ADAM22: variants seen among roughly 807,000 people sequenced by gnomAD.
ADAM22 encodes the protein disintegrin and metalloproteinase domain-containing protein 22.
Under a neutral mutation model 144.6 loss-of-function variants are expected in ADAM22, and 65 were observed. The observed-to-expected ratio is 0.45, with a 90% CI of 0.37 to 0.55. ADAM22 has a LOEUF of 0.55. ADAM22 is among the 20% of genes least tolerant of loss of function. The probability of loss-of-function intolerance (pLI) is 0.00; values close to 1 mark genes in which losing one functional copy is unlikely to be tolerated. For missense variants in ADAM22, 974 were observed against 1,184.9 expected (o/e 0.82, Z 2.61); for synonymous variants, 391 against 412.6 (o/e 0.95, Z 0.63).
chr7:88,011,695 G>T (rs1795456039), intron 3 of ADAM22, among the ~76,000 whole-genome samples: 1 of 151,946 alleles, frequency 6.6e-6, no homozygotes, highest in Non-Finnish European at 1.5e-5. Flanking sequence ...ATCTCACTCT[G>T]TAAGGTGTTT....
At chr7:88,081,944 A>G (rs1014206322) in intron 4 of ADAM22, among the ~76,000 whole-genome samples, 16 of 151,916 alleles carry the variant, frequency 1.1e-4, no homozygotes, top group Non-Finnish European at 1.6e-4. Flanking sequence ...TGCCATCCCC[A>G]TCAAGCTACC....
rs539634782 is a variant in ADAM22 at position 88,138,602 on chromosome 7, T to A, written c.1220+2571T>A. ...ACAGCTAAATATTAGAAAGCAGGGT[T>A]GAAATGAATACCTTCAGTCCTATTT... On this transcript the variant is annotated intron_variant, in intron 14 of 31. Coordinates refer to ENST00000413139, the MANE Select transcript of ADAM22 (RefSeq NM_001324418.2). Among the ~76,000 whole-genome samples the A allele has an allele frequency of 3.3e-5, 5 of 152,332 alleles. No individual in the cohort carries two copies. The South Asian group carries it at 8.3e-4, about 25-fold the overall frequency.
chr7:87,989,471 C>A (rs538268267), intron 3 of ADAM22, among the ~76,000 whole-genome samples: 3 of 152,118 alleles, frequency 2.0e-5, no homozygotes, highest in Non-Finnish European at 4.4e-5. Context: ...ATGATTATAG[C>A]GCACTACAGC....
chr7:87,934,592 C>G (rs1395705061), intron 1 of ADAM22, 42 bp downstream of exon 1: 1 of 1,574,584 alleles, frequency 6.4e-7, no homozygotes, highest in African/African-American at 1.3e-5. Flanking sequence ...ATACCATTTC[C>G]CGGGAATCTT....
At chr7:87,974,252 C>T (rs1183993176) in intron 2 of ADAM22, among the ~76,000 whole-genome samples, 3 of 148,514 alleles carry the variant, frequency 2.0e-5, no homozygotes, top group East Asian at 2.0e-4. Flanking sequence ...TGCAGTGAGC[C>T]GAGATCGTGC....
chr7:88,106,008 A>T (rs1314829156), intron 4 of ADAM22, among the ~76,000 whole-genome samples: 3 of 152,170 alleles, frequency 2.0e-5, no homozygotes, highest in Non-Finnish European at 4.4e-5. Flanking sequence ...GAGAAAATGG[A>T]GGCACGGGCA....
Position 88,114,662 on chromosome 7 carries a change from TG to T in ADAM22, c.537+16del, listed in dbSNP as rs1338033097. 9 of 1,612,754 alleles carry T rather than the reference TG, an allele frequency of 5.6e-6. No homozygotes were observed. The highest frequency in any genetic ancestry group is 8.5e-7 in the Non-Finnish European group (1 of 1,179,184). Reference sequence around the variant, plus strand: ...ACACTACTCAAGTAAGTGCTCCTTCTGTTTGTTGTGGCAAATGGAAATGTTT... The same window carrying T: ...ACACTACTCAAGTAAGTGCTCCTTCTTTTGTTGTGGCAAATGGAAATGTTT... On this transcript the variant is annotated intron_variant, in intron 6 of 31. Transcript: ENST00000413139.
Position 88,155,977 on chromosome 7 carries a change from T to A in ADAM22, c.1878T>A (p.Val626=). The change falls in exon 22 of 32, where the codon GTT becomes GTA. Residue 626 remains valine, a synonymous_variant. Coordinates refer to ENST00000413139, the MANE Select transcript of ADAM22 (RefSeq NM_001324418.2). ...ATGGTGAAATCACATCTACTTTAGTTGTGCAGCAAGGAAGAACATTAAACT... is the reference window on the plus strand; with the variant it reads ...ATGGTGAAATCACATCTACTTTAGTAGTGCAGCAAGGAAGAACATTAAACT... The part of the protein sequence containing the change: ...ELDGEITSTL[V]VQQGRTLNCS... 1 of 1,613,314 alleles carries A rather than the reference T, an allele frequency of 6.2e-7. No homozygotes were observed. The highest frequency in any genetic ancestry group is 8.5e-7 in the Non-Finnish European group (1 of 1,179,524).
At chr7:87,946,700 A>G (rs908631555) in intron 2 of ADAM22, among the ~76,000 whole-genome samples, 5 of 152,168 alleles carry the variant, frequency 3.3e-5, no homozygotes, top group African/African-American at 1.2e-4. Context: ...ATTGTGTTCC[A>G]CTGGTCTATG....
intron 3 of ADAM22, among the ~76,000 whole-genome samples, chr7:88,020,387 A>G (rs1327985517): frequency 6.6e-6 from 1 of 152,174 alleles, no homozygotes; most frequent in Non-Finnish European, 1.5e-5. Context: ...TTGAGAAGGG[A>G]GGGCTGGTGC....
chr7:88,047,099 T>C (rs1007709024), intron 3 of ADAM22, among the ~76,000 whole-genome samples: 3 of 152,232 alleles, frequency 2.0e-5, no homozygotes, highest in Non-Finnish European at 4.4e-5. Flanking sequence ...GCCTACCAAA[T>C]GAGATCATAT....
intron 5 of ADAM22, among the ~76,000 whole-genome samples, chr7:88,113,679 A>T (rs1283132729): frequency 8.7e-6 from 1 of 115,598 alleles, no homozygotes; most frequent in Non-Finnish European, 1.7e-5. Flanking sequence ...TATATATAAT[A>T]TATATATTAT....
At chr7:88,028,329 T>C (rs1236845873) in intron 3 of ADAM22, among the ~76,000 whole-genome samples, 2 of 152,336 alleles carry the variant, frequency 1.3e-5, no homozygotes, top group Admixed American at 6.5e-5. Context: ...TTGATTTCAT[T>C]GTGGTCAGAG....
chr7:88,037,768 C>A (rs1801870494), intron 3 of ADAM22, among the ~76,000 whole-genome samples: 1 of 152,084 alleles, frequency 6.6e-6, no homozygotes, highest in Admixed American at 6.5e-5. Flanking sequence ...GCTTTCTATA[C>A]CTTATACACA....
At chr7:88,156,077 C>T (rs1212151160) in intron 22 of ADAM22, 71 bp downstream of exon 22, 29 of 1,545,718 alleles carry the variant, frequency 1.9e-5, no homozygotes, top group Admixed American at 5.3e-5. Flanking sequence ...GGATTCCTTC[C>T]GTTTTCAATT....
rs758659232 is a variant in ADAM22, at chr7:88,156,155, A to G, written c.1907+149A>G. The G allele has an allele frequency of 7.4e-4, 590 of 800,000 alleles. 1 individual carries two copies. The highest frequency in any genetic ancestry group is 5.9e-4 in the Non-Finnish European group (311 of 529,834). 49.6% of individuals were successfully genotyped at this position (800,000 alleles called of 1,614,324 possible). ...GACGATTGAGTAAATCCTAACAGAGAAGAGATAAAAAGAAGATAAAAAATA... is the reference window on the plus strand; with the variant it reads ...GACGATTGAGTAAATCCTAACAGAGGAGAGATAAAAAGAAGATAAAAAATA... On this transcript the variant is annotated intron_variant, in intron 22 of 31. Transcript: ENST00000413139.
At chr7:88,157,649 A>G (rs890276205) in intron 22 of ADAM22, among the ~76,000 whole-genome samples, 8 of 152,264 alleles carry the variant, frequency 5.3e-5, no homozygotes, top group African/African-American at 1.9e-4. Context: ...TAGTGAGGCG[A>G]AAGTCAAGAT....
intron 3 of ADAM22, among the ~76,000 whole-genome samples, chr7:88,049,983 A>G (rs1250477271): frequency 6.6e-6 from 1 of 152,082 alleles, no homozygotes; most frequent in Non-Finnish European, 1.5e-5. Context: ...AAATCAAAGT[A>G]CAGATACAGA....
At chr7:87,985,926 C>A (rs1359764432) in intron 3 of ADAM22, among the ~76,000 whole-genome samples, 1 of 152,058 alleles carries the variant, frequency 6.6e-6, no homozygotes, top group Admixed American at 6.5e-5. Context: ...GGTGCTATAA[C>A]AGCTGTTTTT....
Sources: gnomAD v4.1 joint callset for allele counts (sites outside exome capture counted in the v4.1 genomes callset) on GRCh38, gnomAD v4.1.1 for gene constraint, MANE v1.5 for transcripts, NCBI Gene and HGNC (gene_info 2026-07-23, HGNC 2026-07-21) for gene names.